Variants in MACROD2 observed in about 807,000 individuals in gnomAD.
The protein encoded by MACROD2 is ADP-ribose glycohydrolase MACROD2.
Under a neutral mutation model 70.4 loss-of-function variants are expected in MACROD2, and 36 were observed. The observed-to-expected ratio is 0.51, with a 90% CI of 0.39 to 0.68. The LOEUF (loss-of-function observed/expected upper bound fraction) is 0.68. Ranked by LOEUF, MACROD2 falls within the 30% of genes least tolerant of loss-of-function variation. The pLI is 0.00. For missense variants in MACROD2, 496 were observed against 538.4 expected (o/e 0.92, Z 0.78); for synonymous variants, 172 against 178.8 (o/e 0.96, Z 0.30).
intron 12 of MACROD2, among the ~76,000 whole-genome samples, chr20:15,963,898 C>G (rs1293358334): frequency 6.6e-6 from 1 of 152,064 alleles, no homozygotes; most frequent in Non-Finnish European, 1.5e-5. Context: ...GCACATCTAT[C>G]TACAGCCCTT....
At chr20:15,612,925 A>G (rs2048989129) in intron 8 of MACROD2, among the ~76,000 whole-genome samples, 1 of 152,212 alleles carries the variant, frequency 6.6e-6, no homozygotes, top group African/African-American at 2.4e-5. Context: ...CCTGAAAAGC[A>G]GCCTCACAGT....
intron 3 of MACROD2, among the ~76,000 whole-genome samples, chr20:14,139,497 G>C (rs997542542): frequency 1.3e-5 from 2 of 152,008 alleles, no homozygotes; most frequent in African/African-American, 4.8e-5. Context: ...TTTATGGATG[G>C]GGAAATTTCC....
intron 8 of MACROD2, among the ~76,000 whole-genome samples, chr20:15,640,149 GAAA>G (rs1213925390): frequency 6.6e-6 from 1 of 151,778 alleles, no homozygotes; most frequent in African/African-American, 2.4e-5. Context: ...ATAAAAGAGA[GAAA>G]AAGAGATGTG....
chr20:14,896,311 A>G (rs1460141106), intron 5 of MACROD2, among the ~76,000 whole-genome samples: 1 of 152,148 alleles, frequency 6.6e-6, no homozygotes, highest in Non-Finnish European at 1.5e-5. Flanking sequence ...ATAAATAAAT[A>G]AAATTAAAAA....
chr20:14,368,946 T>G (rs1046206448), intron 3 of MACROD2, among the ~76,000 whole-genome samples: 3 of 152,228 alleles, frequency 2.0e-5, no homozygotes, highest in African/African-American at 7.2e-5. Context: ...TAGCCTTCAT[T>G]TCCTGTTTGC....
intron 6 of MACROD2, among the ~76,000 whole-genome samples, chr20:15,354,086 A>G (rs1359535221): frequency 6.6e-6 from 1 of 151,290 alleles, no homozygotes; most frequent in Admixed American, 6.6e-5. Flanking sequence ...AATAGCAAAG[A>G]CTTGGAACCA....
rs914516558 is a variant in MACROD2, at chr20:14,736,224, A to C, written c.418+51265A>C. 4.6e-5 allele frequency among the ~76,000 whole-genome samples: 7 copies of C among 152,336 alleles called. No homozygotes were observed. The East Asian group carries it at 5.8e-4, about 13-fold the overall frequency. ...AACATTACACTAAGTGAAAAAAGCC[A>C]GACACAGAGGCCACAAATTGTGTTA... On this transcript the variant is annotated intron_variant, in intron 5 of 17. Coordinates refer to ENST00000684519, the MANE Select transcript of MACROD2 (RefSeq NM_001351661.2).
chr20:15,277,523 T>G (rs542189101), intron 6 of MACROD2, among the ~76,000 whole-genome samples: 24 of 152,352 alleles, frequency 1.6e-4, no homozygotes, highest in African/African-American at 5.3e-4. Context: ...ACTTAATGTT[T>G]GGAATCACCT....
At chr20:15,521,966 A>G (rs1227141402) in intron 8 of MACROD2, among the ~76,000 whole-genome samples, 1 of 152,210 alleles carries the variant, frequency 6.6e-6, no homozygotes, top group African/African-American at 2.4e-5. Flanking sequence ...TAGAAAGAAC[A>G]CCAGAATGGG....
intron 5 of MACROD2, among the ~76,000 whole-genome samples, chr20:14,729,982 A>G (rs903179930): frequency 7.2e-5 from 11 of 152,286 alleles, no homozygotes; most frequent in African/African-American, 2.6e-4. Context: ...TTTTTTTAGG[A>G]GAATCAAATA....
At chr20:15,760,711 G>T (rs2051423945) in intron 8 of MACROD2, among the ~76,000 whole-genome samples, 1 of 152,154 alleles carries the variant, frequency 6.6e-6, no homozygotes, top group Non-Finnish European at 1.5e-5. Context: ...CTAGCAAAAT[G>T]CCTGGAAGTA....
chr20:16,024,346 AT>A (rs2067046769), intron 15 of MACROD2, among the ~76,000 whole-genome samples: 2 of 152,316 alleles, frequency 1.3e-5, no homozygotes, highest in East Asian at 3.9e-4. Flanking sequence ...CATTCTATTC[AT>A]TTCAACTTCT....
rs917060777 is a variant in MACROD2 at position 15,091,423 on chromosome 20, AT to A, written c.419-138507del. Reference sequence around the variant, plus strand: ...ACAGTTAAGATAAATGAATGAAAATATTTTTTTTTTCCTTTAACTAAAACTG... The same window carrying A: ...ACAGTTAAGATAAATGAATGAAAATATTTTTTTTTCCTTTAACTAAAACTG... On this transcript the variant is annotated intron_variant, in intron 5 of 17. Transcript: ENST00000684519. Among the ~76,000 whole-genome samples, 50 of 149,866 alleles carry A rather than the reference AT, an allele frequency of 3.3e-4. 1 individual carries two copies. The highest frequency in any genetic ancestry group is 2.5e-3 in the South Asian group (12 of 4,712).
intron 5 of MACROD2, chr20:14,757,669 C>T: frequency 7.4e-7 from 1 of 1,352,122 alleles, no homozygotes; most frequent in Non-Finnish European, 1.1e-6. Flanking sequence ...AGCTGTCAGA[C>T]AAGAATGTGT....
intron 3 of MACROD2, among the ~76,000 whole-genome samples, chr20:14,460,539 A>C (rs1419097519): frequency 5.9e-5 from 9 of 152,084 alleles, no homozygotes; most frequent in African/African-American, 2.2e-4. Context: ...GAGAAGTGTC[A>C]GTATGATATT....
intron 3 of MACROD2, among the ~76,000 whole-genome samples, chr20:14,301,460 G>A (rs927801808): frequency 3.9e-5 from 6 of 152,220 alleles, no homozygotes; most frequent in Non-Finnish European, 8.8e-5. Context: ...ACCTCATACT[G>A]TAAGTTTATA....
intron 3 of MACROD2, among the ~76,000 whole-genome samples, chr20:14,442,459 G>A (rs2084134382): frequency 6.6e-6 from 1 of 152,040 alleles, no homozygotes; most frequent in Non-Finnish European, 1.5e-5. Flanking sequence ...TTTTTCATTA[G>A]CTGGAAGCTA....
chr20:14,787,921 A>G (rs1408948424), intron 5 of MACROD2, among the ~76,000 whole-genome samples: 1 of 152,094 alleles, frequency 6.6e-6, no homozygotes, highest in African/African-American at 2.4e-5. Context: ...AAGACAGCAC[A>G]TTTCTAAGAT....
chr20:14,492,160 C>T (rs2084802533), intron 3 of MACROD2, among the ~76,000 whole-genome samples: 1 of 152,168 alleles, frequency 6.6e-6, no homozygotes, highest in South Asian at 2.1e-4. Context: ...AAATATCACA[C>T]ACTTACATGT....
Sources: allele counts gnomAD v4.1 joint callset (sites outside exome capture counted in the v4.1 genomes callset), GRCh38; gene constraint gnomAD v4.1.1; transcripts MANE v1.5; gene names NCBI Gene and HGNC (gene_info 2026-07-23, HGNC 2026-07-21).